PSD2: variants seen among roughly 807,000 people sequenced by gnomAD.
The protein encoded by PSD2 is PH and SEC7 domain-containing protein 2.
PSD2 carries 38 observed loss-of-function variants against 69.8 expected under a neutral mutation model. That is an observed-to-expected ratio of 0.54 (90% CI 0.42 to 0.71). PSD2 has a LOEUF of 0.71. PSD2 is among the 30% of genes least tolerant of loss of function. The pLI is 0.00. For synonymous variants in PSD2, 412 were observed against 423.0 expected, an observed-to-expected ratio of 0.97 and a Z score of 0.32; for missense variants, 943 against 1,014.5, an observed-to-expected ratio of 0.93 and a Z score of 0.96.
chr5:139,821,432 G>A, intron 5 of PSD2, among the ~76,000 whole-genome samples: 1 of 152,190 alleles, frequency 6.6e-6, no homozygotes, highest in Middle Eastern at 3.2e-3. Context: ...CAAACTTGGG[G>A]TAGGGGAGGA....
At position 139,822,783 on chromosome 5, in the gene PSD2, A is replaced by G; in HGVS notation, c.1268A>G (p.His423Arg). The change falls in exon 7 of 15, where the codon CAC becomes CGC. Residue 423 changes from histidine to arginine, a missense_variant and splice_region_variant. Physicochemically the swap from His to Arg is conservative, Grantham distance 29. Coordinates refer to ENST00000274710, the MANE Select transcript of PSD2 (RefSeq NM_032289.4). ...LMLLNTDLHG[H>R]NIGKKMSCQQ... Reference sequence around the variant, plus strand: ...CTGCTCAACACGGACCTGCACGGCCACGTGAGTTGGGGAGGTGACGGGGGG... The same window carrying G: ...CTGCTCAACACGGACCTGCACGGCCGCGTGAGTTGGGGAGGTGACGGGGGG... 5 of 1,606,858 alleles carry G rather than the reference A, an allele frequency of 3.1e-6. No homozygotes were observed. Among genetic ancestry groups the G allele is most frequent in the Non-Finnish European group, 2.6e-6 (3 of 1,176,436 alleles).
chr5:139,754,834 A>G, the PSD2 span, among the ~76,000 whole-genome samples: 2 of 152,202 alleles, frequency 1.3e-5, no homozygotes, highest in Admixed American at 1.3e-4. Context: ...CTGTGATTGC[A>G]TCACTGCATT....
rs957633532 is a variant in PSD2 at position 139,842,874 on chromosome 5, A to G, written c.*400A>G. The stretch of plus-strand genomic sequence containing the variant: ...GTCTTGACTCTAGGTCTCAGCTGGA[A>G]CCCCACCCTTTCTCCTCCTCCTTCC... On this transcript the variant is annotated 3_prime_UTR_variant, in exon 15 of 15. Coordinates refer to ENST00000274710, the MANE Select transcript of PSD2 (RefSeq NM_032289.4). The G allele has an allele frequency of 6.1e-5, 10 of 165,190 alleles. No homozygotes were observed. The East Asian group carries it at 1.7e-3, about 29-fold the overall frequency. The allele number at this position is 165,190 out of a possible 1,614,324, so 10.2% of individuals were successfully genotyped here.
chr5:139,809,876 C>A, intron 2 of PSD2, 65 bp downstream of exon 2: 4 of 1,524,976 alleles, frequency 2.6e-6, no homozygotes, highest in Non-Finnish European at 3.6e-6. Context: ...GTGGCCTGGG[C>A]TTAGCCACTT....
At position 139,809,414 on chromosome 5, in the gene PSD2, C is replaced by G; in HGVS notation, c.-27C>G. The stretch of plus-strand genomic sequence containing the variant: ...AGGTCTAGAGGAGTCCCAGGAGCAG[C>G]CAGGACAGGCGGAAGCAGTGGCTGC... On this transcript the variant is annotated 5_prime_UTR_variant, in exon 2 of 15. Transcript: ENST00000274710. 1 of 1,602,910 alleles carries G rather than the reference C, an allele frequency of 6.2e-7. No homozygotes were observed. Among genetic ancestry groups the G allele is most frequent in the Non-Finnish European group, 8.5e-7 (1 of 1,176,668 alleles).
intron 7 of PSD2, among the ~76,000 whole-genome samples, chr5:139,831,496 A>G (rs866840287): frequency 1.3e-5 from 2 of 151,828 alleles, no homozygotes; most frequent in Non-Finnish European, 1.5e-5. Context: ...TGGATTAAGT[A>G]TGTTTTAGAA....
chr5:139,771,039 A>C, the PSD2 span, among the ~76,000 whole-genome samples: 1 of 152,272 alleles, frequency 6.6e-6, no homozygotes. Flanking sequence ...ATACAAACTC[A>C]TGACAAATCT....
At chr5:139,753,333 C>T in the PSD2 span, among the ~76,000 whole-genome samples, 3 of 152,262 alleles carry the variant, frequency 2.0e-5, no homozygotes, top group African/African-American at 7.2e-5. Flanking sequence ...GAGAAGGCCA[C>T]CAATAACCTT....
the PSD2 span, among the ~76,000 whole-genome samples, chr5:139,743,289 G>C: frequency 6.6e-6 from 1 of 152,318 alleles, no homozygotes; most frequent in East Asian, 1.9e-4. Flanking sequence ...CAGAGCAGAC[G>C]TCTCTCTGGT....
In PSD2 at chr5:139,839,542, C is replaced by G. The variant is rs898397606; in HGVS notation, c.1969-485C>G. On this transcript the variant is annotated intron_variant, in intron 13 of 14. Transcript: ENST00000274710. This position sits in a 1 kb window ranked among gnomAD's most constrained non-coding sequence, Gnocchi z 5.1. ...CGTTTGCCCATCAGCGACAGTGTCT[C>G]CGCCTGTCTTTGGGTGTGATCCTGG... Among the ~76,000 whole-genome samples the G allele has an allele frequency of 5.3e-5, 8 of 152,220 alleles. No individual in the cohort carries two copies. The highest frequency in any genetic ancestry group is 1.9e-4 in the African/African-American group (8 of 41,466).
the PSD2 span, among the ~76,000 whole-genome samples, chr5:139,746,520 C>T: frequency 2.0e-5 from 3 of 152,174 alleles, no homozygotes; most frequent in South Asian, 2.1e-4. This position sits in a 1 kb window ranked among gnomAD's most constrained non-coding sequence, Gnocchi z 4.5. Flanking sequence ...GCCGCCCTGA[C>T]CCTGGCCCCG....
chr5:139,763,841 G>C, the PSD2 span, among the ~76,000 whole-genome samples: 1 of 152,162 alleles, frequency 6.6e-6, no homozygotes. Context: ...GTCGACTTGC[G>C]TTTTCTCCCA....
intron 7 of PSD2, among the ~76,000 whole-genome samples, chr5:139,833,456 C>A (rs1289492503): frequency 6.6e-6 from 1 of 152,182 alleles, no homozygotes; most frequent in Non-Finnish European, 1.5e-5. Context: ...AACTCTTCAT[C>A]CAGCCCAACT....
At chr5:139,779,724 C>T in the PSD2 span, among the ~76,000 whole-genome samples, 1 of 152,216 alleles carries the variant, frequency 6.6e-6, no homozygotes, top group African/African-American at 2.4e-5. Flanking sequence ...TGATTTCTTT[C>T]CACCATAGCT....
At position 139,814,279 on chromosome 5, in the gene PSD2, A is replaced by G; in HGVS notation, c.931A>G (p.Ser311Gly). 6.2e-7 allele frequency: 1 copy of G among 1,613,762 alleles called. No homozygotes were observed. The highest frequency in any genetic ancestry group is 1.1e-5 in the South Asian group (1 of 91,010). ...TCTGGCCAACGGGTGCCAGGGGGTC[A>G]GTGAAGCTGCTCATCGGCTGGCACG... ...DPLANGCQGVSEAAHRLARRL... is the reference protein window; with the variant it reads ...DPLANGCQGVGEAAHRLARRL... Residue 311 changes from serine to glycine, a missense_variant, in exon 4 of 15, where the codon AGT becomes GGT. Transcript: ENST00000274710. This position sits in a 1 kb window ranked among gnomAD's most constrained non-coding sequence, Gnocchi z 4.4.
intron 1 of PSD2, among the ~76,000 whole-genome samples, chr5:139,807,469 G>A (rs1759839534): frequency 1.3e-5 from 2 of 152,120 alleles, no homozygotes; most frequent in African/African-American, 4.8e-5. Flanking sequence ...GGGATTTAGG[G>A]CAGACCAGAA....
intron 1 of PSD2, 54 bp from the exon 2 acceptor site, chr5:139,809,337 C>T (rs974058062): frequency 5.8e-6 from 8 of 1,376,280 alleles, no homozygotes; most frequent in Non-Finnish European, 7.9e-6. Context: ...ACTTTAGGTG[C>T]CCCCCAGCCC....
intron 2 of PSD2, among the ~76,000 whole-genome samples, chr5:139,811,608 T>A (rs755209824): frequency 3.3e-5 from 5 of 152,130 alleles, no homozygotes; most frequent in African/African-American, 4.8e-5. Flanking sequence ...TCTTTTTTTT[T>A]ATTTGAGACG....
intron 8 of PSD2, 44 bp from the exon 9 acceptor site, chr5:139,835,679 G>T: frequency 6.3e-7 from 1 of 1,596,590 alleles, no homozygotes; most frequent in South Asian, 1.1e-5. Context: ...GGGTTTCTTT[G>T]ACCCTTCACC....
Sources: gnomAD v4.1 joint callset for allele counts (sites outside exome capture counted in the v4.1 genomes callset) on GRCh38, gnomAD v4.1.1 for gene constraint, Gnocchi (gnomAD v3.1) non-coding constraint, MANE v1.5 for transcripts, NCBI Gene and HGNC (gene_info 2026-07-23, HGNC 2026-07-21) for gene names.